Variants in CLASP2 observed in about 807,000 individuals in gnomAD.
CLASP2 encodes cytoplasmic linker associated protein 2, also known as CLIP-associating protein 2.
In CLASP2, 47 loss-of-function variants were observed where a neutral mutation model predicts 194.4. The observed-to-expected ratio is 0.24, with a 90% confidence interval of 0.19 to 0.31. The LOEUF is 0.31. Among genes scored for constraint, CLASP2 ranks in the 10% least tolerant of loss-of-function variants. The pLI is 1.00. For missense variants in CLASP2, 1,445 were observed against 1,823.6 expected (o/e 0.79, Z 3.78); for synonymous variants, 619 against 633.5 (o/e 0.98, Z 0.34).
chr3:33,572,980 C>A, intron 25 of CLASP2, 130 bp downstream of exon 25: 4 of 935,120 alleles, frequency 4.3e-6, no homozygotes, highest in Non-Finnish European at 6.2e-6. Context: ...TGGAAAAACA[C>A]TTTGAAGCAA....
intron 29 of CLASP2, among the ~76,000 whole-genome samples, chr3:33,555,219 CAT>C (rs1291124336): frequency 1.3e-5 from 2 of 151,990 alleles, no homozygotes; most frequent in Admixed American, 1.3e-4. Context: ...AATTAAAAGA[CAT>C]ATTTATAACT....
chr3:33,562,639 G>A (rs1037211450), intron 27 of CLASP2, among the ~76,000 whole-genome samples: 2 of 152,084 alleles, frequency 1.3e-5, no homozygotes, highest in Non-Finnish European at 2.9e-5. Flanking sequence ...TCATTTACTA[G>A]GACACCATTG....
chr3:33,496,985 AC>A lies in CLASP2; in HGVS notation c.*1645del, dbSNP rs2045873178. 2 of 152,752 alleles carry A rather than the reference AC, an allele frequency of 1.3e-5. No homozygotes were observed. The highest frequency in any genetic ancestry group is 6.5e-5 in the Admixed American group (1 of 15,284). 9.5% of individuals were successfully genotyped at this position (152,752 alleles called of 1,614,324 possible). A position where few individuals can be genotyped will look rare whatever the true frequency, so the allele number is the denominator to read the frequency against. Reference sequence around the variant, plus strand: ...CACAGTGAGACAGAAAAACTGATATACATTATTAACTTTTTCAAGTAATGTT... The same window carrying A: ...CACAGTGAGACAGAAAAACTGATATAATTATTAACTTTTTCAAGTAATGTT... On this transcript the variant is annotated 3_prime_UTR_variant, in exon 39 of 39. Coordinates refer to ENST00000682230, the MANE Select transcript of CLASP2 (RefSeq NM_001365631.1).
Position 33,595,575 on chromosome 3 carries a change from CACT to C in CLASP2, c.1949-610_1949-608del, listed in dbSNP as rs560412495. Among the ~76,000 whole-genome samples, 7 of 152,090 alleles carry C rather than the reference CACT, an allele frequency of 4.6e-5. No homozygotes were observed. The East Asian group carries it at 7.7e-4, about 17-fold the overall frequency. Reference sequence around the variant, plus strand: ...ATGACTAAGTACAAACATCATAACTCACTACTACTAAAGCGCAATAATATACGT... The same window carrying C: ...ATGACTAAGTACAAACATCATAACTCACTACTAAAGCGCAATAATATACGT... On this transcript the variant is annotated intron_variant, in intron 19 of 38. Transcript: ENST00000682230.
chr3:33,708,444 G>A (rs112887771), intron 1 of CLASP2, among the ~76,000 whole-genome samples: 9,241 of 147,564 alleles, frequency 0.063, 372 homozygotes, highest in Admixed American at 0.098. Flanking sequence ...ATATTCCTTT[G>A]TGTGTGTGTC....
intron 18 of CLASP2, among the ~76,000 whole-genome samples, chr3:33,599,101 T>C (rs1484745123): frequency 1.5e-5 from 2 of 135,766 alleles, no homozygotes; most frequent in Non-Finnish European, 3.0e-5. Flanking sequence ...TAGTTGTTGT[T>C]GTCTTATTTA....
intron 29 of CLASP2, among the ~76,000 whole-genome samples, chr3:33,555,895 A>G (rs1230463893): frequency 6.6e-6 from 1 of 152,240 alleles, no homozygotes; most frequent in Non-Finnish European, 1.5e-5. Context: ...TGTGTTTACT[A>G]TACTAATAGG....
chr3:33,577,777 A>T (rs1375068252), intron 23 of CLASP2, among the ~76,000 whole-genome samples: 1 of 152,130 alleles, frequency 6.6e-6, no homozygotes, highest in Non-Finnish European at 1.5e-5. Context: ...AATTTGCCCT[A>T]ATGACTGGGA....
chr3:33,663,053 C>A (rs1202516787), intron 7 of CLASP2, among the ~76,000 whole-genome samples: 1 of 151,808 alleles, frequency 6.6e-6, no homozygotes, highest in Non-Finnish European at 1.5e-5. Context: ...TATAATAGAA[C>A]CCATCAACCC....
chr3:33,642,092 T>TA (rs2081411447), intron 8 of CLASP2, among the ~76,000 whole-genome samples: 1 of 151,924 alleles, frequency 6.6e-6, no homozygotes. Flanking sequence ...TAATGCAACA[T>TA]AAAAAAGAAT....
In CLASP2 at chr3:33,596,748, ACAAG is replaced by A. The variant is rs1199075818; in HGVS notation, c.1925-18_1925-15del. On this transcript the variant is annotated splice_polypyrimidine_tract_variant and intron_variant, in intron 18 of 38. Transcript: ENST00000682230. ...CAGAAGTATCCTCTTTGATGAAAGC[ACAAG>A]CAAAGAACAGAGGAAAACTTAGTAT... 6.4e-7 allele frequency: 1 copy of A among 1,556,496 alleles called. No individual in the cohort carries two copies. Among genetic ancestry groups the A allele is most frequent in the Non-Finnish European group, 8.7e-7 (1 of 1,147,284 alleles).
chr3:33,607,526 A>C, intron 14 of CLASP2, 65 bp from the exon 15 acceptor site: 2 of 1,113,894 alleles, frequency 1.8e-6, no homozygotes, highest in Non-Finnish European at 1.3e-6. Context: ...AATGGTACTT[A>C]AGGCCTATAT....
At chr3:33,620,584 C>A (rs562217813) in intron 11 of CLASP2, among the ~76,000 whole-genome samples, 106 of 152,256 alleles carry the variant, frequency 7.0e-4, no homozygotes, top group African/African-American at 2.4e-3. Flanking sequence ...CAAAAAGGAA[C>A]CTCAAATGAA....
At chr3:33,603,641 G>T (rs1431219250) in intron 17 of CLASP2, among the ~76,000 whole-genome samples, 1 of 151,284 alleles carries the variant, frequency 6.6e-6, no homozygotes, top group Non-Finnish European at 1.5e-5. Context: ...TATTTTTTTT[G>T]AGACAAAGTC....
At chr3:33,573,386 G>T in intron 24 of CLASP2, 32 bp from the exon 25 acceptor site, 1 of 1,605,320 alleles carries the variant, frequency 6.2e-7, no homozygotes, top group Middle Eastern at 1.7e-4. Flanking sequence ...ATTAGCAGTA[G>T]CCAAAAGAAT....
At chr3:33,524,025 TA>T (rs1371419998) in intron 34 of CLASP2, among the ~76,000 whole-genome samples, 1 of 152,084 alleles carries the variant, frequency 6.6e-6, no homozygotes, top group Non-Finnish European at 1.5e-5. Context: ...GAAAGTAATG[TA>T]AAAAGTGACA....
chr3:33,570,587 T>G, intron 26 of CLASP2, 140 bp downstream of exon 26: 1 of 1,069,034 alleles, frequency 9.4e-7, no homozygotes. Context: ...TTACGTATGA[T>G]ACCAAACAAT....
chr3:33,576,403 T>C (rs1051476561), intron 23 of CLASP2, 128 bp from the exon 24 acceptor site: 1 of 611,992 alleles, frequency 1.6e-6, no homozygotes, highest in Non-Finnish European at 2.8e-6. Context: ...TTAAAAGCAA[T>C]ATTGTATTTT....
chr3:33,606,605 T>C lies in CLASP2; in HGVS notation c.1680A>G (p.Ser560=). Residue 560 remains serine (S), a synonymous_variant, in exon 16 of 39, where the codon TCA becomes TCG. Transcript: ENST00000682230. The part of the protein sequence containing the change: ...LPQSDRSSSS[S]QESLNRPFSS... ...TATGACCTTACTTGAGACTTTCCTG[T>C]GAGCTGGATGAGGACCTGTCTGATT... The C allele has an allele frequency of 6.2e-7, 1 of 1,613,290 alleles. No homozygotes were observed. Among genetic ancestry groups the C allele is most frequent in the South Asian group, 1.1e-5 (1 of 90,938 alleles).
Sources: allele counts gnomAD v4.1 joint callset (sites outside exome capture counted in the v4.1 genomes callset), GRCh38; gene constraint gnomAD v4.1.1; transcripts MANE v1.5; gene names NCBI Gene and HGNC (gene_info 2026-07-23, HGNC 2026-07-21).